The following COA1 variants were observed in gnomAD, a reference collection of about 807,000 sequenced individuals.
The protein encoded by COA1 is cytochrome c oxidase assembly factor 1 homolog.
A neutral mutation model predicts 16.0 loss-of-function variants in COA1; 13 were observed. The ratio of observed to expected loss-of-function variants is 0.81; its 90% CI spans 0.53 to 1.29. The LOEUF (loss-of-function observed/expected upper bound fraction) is 1.29, where lower values mean the gene tolerates loss of function less well. Among genes scored for constraint, COA1 ranks in the 50% most tolerant of loss-of-function variants. COA1 has a pLI of 0.00. For synonymous variants in COA1, 65 were observed against 65.7 expected (o/e 0.99, Z 0.05); for missense variants, 179 against 177.0 (o/e 1.01, Z -0.06).
intron 1 of COA1, among the ~76,000 whole-genome samples, chr7:43,718,950 G>A (rs1420916124): frequency 6.7e-6 from 1 of 148,214 alleles, no homozygotes; most frequent in Non-Finnish European, 1.5e-5. Flanking sequence ...ATTAGAAGTA[G>A]ATTCAATCTA....
At chr7:43,724,110 T>G (rs2095563926) in intron 1 of COA1, among the ~76,000 whole-genome samples, 1 of 152,218 alleles carries the variant, frequency 6.6e-6, no homozygotes, top group Non-Finnish European at 1.5e-5. Flanking sequence ...GTAAACGTGA[T>G]AATCCATGCC....
At chr7:43,637,818 C>T (rs2086154421), downstream of COA1, among the ~76,000 whole-genome samples, 1 of 152,228 alleles carries the variant, frequency 6.6e-6, no homozygotes, top group Non-Finnish European at 1.5e-5. Context: ...TTAATTCAAA[C>T]TCTACACTTA....
At chr7:43,685,666 T>A (rs1303476954) in intron 1 of COA1, among the ~76,000 whole-genome samples, 1 of 152,142 alleles carries the variant, frequency 6.6e-6, no homozygotes, top group African/African-American at 2.4e-5. Context: ...ATGAAGACCC[T>A]CTCCAGTGTT....
At position 43,727,079 on chromosome 7, in the gene COA1, T is replaced by C. The variant is rs114658006; in HGVS notation, c.-39+2350A>G. 6.8e-3 allele frequency among the ~76,000 whole-genome samples: 1,034 copies of C among 152,300 alleles called. 10 individuals carry two copies. Among genetic ancestry groups the C allele is most frequent in the African/African-American group, 0.024 (990 of 41,550 alleles). On this transcript the variant is annotated intron_variant, in intron 1 of 5. Transcript: ENST00000223336. ...AATTACCTGATTTGATCACTACACA[T>C]TGTATACATTTATCAAAATATCACT...
chr7:43,714,002 C>T (rs1330014289), intron 1 of COA1, among the ~76,000 whole-genome samples: 1 of 152,068 alleles, frequency 6.6e-6, no homozygotes, highest in Admixed American at 6.5e-5. Context: ...CACCACTGCA[C>T]TCTGTTTAAA....
At chr7:43,714,747 T>A (rs1442907338) in intron 1 of COA1, among the ~76,000 whole-genome samples, 1 of 149,344 alleles carries the variant, frequency 6.7e-6, no homozygotes, top group Non-Finnish European at 1.5e-5. Flanking sequence ...GTGGCTCACA[T>A]CTGTAATCCC....
rs59823123 is a variant in COA1 at position 43,709,434 on chromosome 7, T to TTGTGTGTGTG, written c.-39+19985_-39+19994dup. 5.5e-3 allele frequency among the ~76,000 whole-genome samples: 800 copies of TTGTGTGTGTG among 144,980 alleles called. 5 individuals carry two copies. The highest frequency in any genetic ancestry group is 0.019 in the East Asian group (95 of 4,900). On this transcript the variant is annotated intron_variant, in intron 1 of 5. Transcript: ENST00000223336. ...ACAGGTCTTGATTCACTTTGTTTTA[T>TTGTGTGTGTG]TGTGTGTGTGTGTGTGTGTGTGTGT...
At chr7:43,629,150 A>C (rs1052671923) in intron 6 of COA1, among the ~76,000 whole-genome samples, 8 of 152,206 alleles carry the variant, frequency 5.3e-5, no homozygotes, top group African/African-American at 1.9e-4. Context: ...TGCCCGGTCT[A>C]AAATCATTTG....
chr7:43,658,432 C>T (rs543432541), intron 1 of COA1, among the ~76,000 whole-genome samples: 5 of 151,992 alleles, frequency 3.3e-5, no homozygotes, highest in Non-Finnish European at 5.9e-5. Context: ...CAAATCAAAC[C>T]TCTCGAAACT....
intron 1 of COA1, among the ~76,000 whole-genome samples, chr7:43,679,644 C>T (rs1236989173): frequency 1.3e-5 from 2 of 152,186 alleles, no homozygotes; most frequent in Non-Finnish European, 1.5e-5. Context: ...TCCCAAGTTT[C>T]GGTCAGACAC....
At chr7:43,674,273 A>G (rs1382383878) in intron 1 of COA1, among the ~76,000 whole-genome samples, 1 of 152,214 alleles carries the variant, frequency 6.6e-6, no homozygotes, top group African/African-American at 2.4e-5. Flanking sequence ...ACACATATAA[A>G]TAACTAAGAT....
chr7:43,708,459 T>TAA, intron 1 of COA1, among the ~76,000 whole-genome samples: 1 of 142,872 alleles, frequency 7.0e-6, no homozygotes, highest in African/African-American at 2.6e-5. Flanking sequence ...AGACCTTTTC[T>TAA]AAAAAAAAAA....
At chr7:43,670,405 A>C (rs919046564) in intron 1 of COA1, among the ~76,000 whole-genome samples, 12 of 152,264 alleles carry the variant, frequency 7.9e-5, no homozygotes, top group African/African-American at 2.9e-4. Context: ...GTGAGCCGAG[A>C]CTGCACCACT....
chr7:43,630,611 C>T (rs1448333641), intron 6 of COA1, among the ~76,000 whole-genome samples: 3 of 152,136 alleles, frequency 2.0e-5, no homozygotes, highest in African/African-American at 7.2e-5. Context: ...TGTACCCTGT[C>T]CCTTTTAAAG....
chr7:43,659,459 G>A (rs1462824850), intron 1 of COA1, among the ~76,000 whole-genome samples: 2 of 152,204 alleles, frequency 1.3e-5, no homozygotes, highest in East Asian at 3.9e-4. Context: ...TTAAACCACA[G>A]CAAGAAGGTA....
chr7:43,691,330 A>AAAGG (rs1563382628), intron 1 of COA1, among the ~76,000 whole-genome samples: 2 of 81,266 alleles, frequency 2.5e-5, no homozygotes, highest in African/African-American at 9.8e-5. Context: ...AGAAAGAAAG[A>AAAGG]GAAAGAGAGA....
intron 1 of COA1, among the ~76,000 whole-genome samples, chr7:43,666,729 ATAT>A (rs1563311131): frequency 1.7e-4 from 26 of 152,208 alleles, no homozygotes; most frequent in African/African-American, 6.3e-4. Context: ...AGGCTGGGAC[ATAT>A]AGAGCTGGAT....
intron 1 of COA1, among the ~76,000 whole-genome samples, chr7:43,712,120 CT>C (rs567779864): frequency 8.7e-5 from 13 of 149,198 alleles, no homozygotes; most frequent in Non-Finnish European, 1.5e-4. Flanking sequence ...GAAAAAGAAA[CT>C]TTTTTTTTTG....
At chr7:43,686,301 GTTTCTTTT>G (rs2094020740) in intron 1 of COA1, among the ~76,000 whole-genome samples, 1 of 127,608 alleles carries the variant, frequency 7.8e-6, no homozygotes. Flanking sequence ...TTCTGGCTTT[GTTTCTTTT>G]TTTTTTTTTT....
Sources: allele counts gnomAD v4.1 joint callset (sites outside exome capture counted in the v4.1 genomes callset), GRCh38; gene constraint gnomAD v4.1.1; transcripts MANE v1.5; gene names NCBI Gene and HGNC (gene_info 2026-07-23, HGNC 2026-07-21).